RTL4: variants seen among roughly 807,000 people sequenced by gnomAD.
The protein encoded by RTL4 is retrotransposon Gag like 4.
Under a neutral mutation model 5.3 loss-of-function variants are expected in RTL4, and 4 were observed. That is an observed-to-expected ratio of 0.75 (90% CI 0.37 to 1.72). The LOEUF (loss-of-function observed/expected upper bound fraction) is 1.72. Among genes scored for constraint, RTL4 ranks in the 40% most tolerant of loss-of-function variants. RTL4 has a pLI of 0.04. For synonymous variants in RTL4, 98 were observed against 87.3 expected, an observed-to-expected ratio of 1.12 and a Z score of -0.68; for missense variants, 260 against 227.1, an observed-to-expected ratio of 1.14 and a Z score of -0.93.
At chrX:112,161,848 T>TTCCTTC in the RTL4 span, among the ~76,000 whole-genome samples, 5 of 38,321 alleles carry the variant, frequency 1.3e-4, no homozygotes, top group African/African-American at 4.6e-4. Context: ...TTCCTTCCTT[T>TTCCTTC]CTTTCTTTCT....
chrX:112,437,829 G>T, the RTL4 span, among the ~76,000 whole-genome samples: 1 of 101,586 alleles, frequency 9.8e-6, no homozygotes, highest in Non-Finnish European at 2.0e-5. Context: ...GGTGGTGGTG[G>T]TGGTGGTGGT....
chrX:112,316,631 C>T, the RTL4 span, among the ~76,000 whole-genome samples: 1 of 111,798 alleles, frequency 8.9e-6, no homozygotes, highest in Non-Finnish European at 1.9e-5. Flanking sequence ...GTTGCACTAC[C>T]TCTTCTGTAC....
chrX:112,381,336 A>G, the RTL4 span: 2 of 1,210,109 alleles, frequency 1.7e-6, no homozygotes, highest in Non-Finnish European at 2.2e-6. Flanking sequence ...AATTTTGTCA[A>G]GCCAGAGAAG....
At chrX:112,353,031 C>T in the RTL4 span, among the ~76,000 whole-genome samples, 4 of 111,806 alleles carry the variant, frequency 3.6e-5, no homozygotes, top group African/African-American at 9.7e-5. Flanking sequence ...AGGATATGAA[C>T]AGACGCTTCT....
chrX:112,173,923 G>C, the RTL4 span, among the ~76,000 whole-genome samples: 1 of 110,562 alleles, frequency 9.0e-6, no homozygotes, highest in Non-Finnish European at 1.9e-5. Flanking sequence ...ATAATGACTT[G>C]AGTAATTAAA....
chrX:112,150,485 C>T, the RTL4 span, among the ~76,000 whole-genome samples: 1 of 111,690 alleles, frequency 9.0e-6, no homozygotes, highest in East Asian at 2.8e-4. Context: ...CTTTTCTTTG[C>T]TTTTTCTTCT....
At chrX:112,409,222 A>G in the RTL4 span, among the ~76,000 whole-genome samples, 1 of 112,507 alleles carries the variant, frequency 8.9e-6, no homozygotes, top group Non-Finnish European at 1.9e-5. Context: ...TTTTGAAGAC[A>G]TAAGCCATAC....
the RTL4 span, among the ~76,000 whole-genome samples, chrX:112,128,134 G>T: frequency 2.0e-4 from 22 of 111,351 alleles, no homozygotes; most frequent in East Asian, 6.0e-3. Flanking sequence ...GAAGAAAAAA[G>T]GTGGGAAGAC....
At chrX:112,316,701 C>A in the RTL4 span, among the ~76,000 whole-genome samples, 1 of 112,109 alleles carries the variant, frequency 8.9e-6, no homozygotes, top group Non-Finnish European at 1.9e-5. Context: ...ATTTTACCAA[C>A]TTATTCTCTA....
chrX:112,398,178 A>C, the RTL4 span, among the ~76,000 whole-genome samples: 1 of 110,364 alleles, frequency 9.1e-6, no homozygotes, highest in Non-Finnish European at 1.9e-5. Context: ...GTTTGCATAG[A>C]GCTTTTATCA....
chrX:112,432,837 T>C, the RTL4 span, among the ~76,000 whole-genome samples: 14 of 111,518 alleles, frequency 1.3e-4, no homozygotes, highest in African/African-American at 4.6e-4. Flanking sequence ...ATTGCCTAGG[T>C]TTTCTTCTAG....
At chrX:112,198,685 C>T in the RTL4 span, among the ~76,000 whole-genome samples, 1 of 111,399 alleles carries the variant, frequency 9.0e-6, no homozygotes, top group South Asian at 3.8e-4. Flanking sequence ...ATCCATCCAT[C>T]TCCCCATCGA....
the RTL4 span, among the ~76,000 whole-genome samples, chrX:112,121,015 T>A: frequency 9.0e-6 from 1 of 111,083 alleles, no homozygotes; most frequent in Non-Finnish European, 1.9e-5. Context: ...AGGGATAGGA[T>A]CAGAAAAAAA....
chrX:112,360,135 A>G, the RTL4 span, among the ~76,000 whole-genome samples: 10 of 111,264 alleles, frequency 9.0e-5, no homozygotes, highest in African/African-American at 3.3e-4. Flanking sequence ...TAGATTTCCC[A>G]TCACTTACTC....
the RTL4 span, among the ~76,000 whole-genome samples, chrX:112,405,606 T>C: frequency 9.0e-6 from 1 of 111,351 alleles, no homozygotes; most frequent in Non-Finnish European, 1.9e-5. Context: ...CTGCTTGAGG[T>C]AGTAGATGGA....
the RTL4 span, among the ~76,000 whole-genome samples, chrX:112,328,642 T>A: frequency 9.0e-6 from 1 of 111,486 alleles, no homozygotes; most frequent in Non-Finnish European, 1.9e-5. Flanking sequence ...TGAACTCAGC[T>A]CTGCACCAAG....
the RTL4 span, among the ~76,000 whole-genome samples, chrX:112,110,636 A>G: frequency 0.023 from 2,606 of 111,862 alleles, 34 homozygotes; most frequent in Non-Finnish European, 0.035. Context: ...TATTAATAAG[A>G]CCTCATTCAG....
the RTL4 span, among the ~76,000 whole-genome samples, chrX:112,130,356 G>A: frequency 3.8e-5 from 4 of 105,921 alleles, no homozygotes; most frequent in African/African-American, 1.4e-4. Flanking sequence ...GTTTTTGCCA[G>A]CATCCATGCA....
chrX:112,302,755 T>C, the RTL4 span, among the ~76,000 whole-genome samples: 2 of 112,582 alleles, frequency 1.8e-5, no homozygotes, highest in Non-Finnish European at 3.7e-5. Context: ...CTGGGATAAA[T>C]TGGTGAATGA....
Sources: gnomAD v4.1 joint callset for allele counts (sites outside exome capture counted in the v4.1 genomes callset) on GRCh38, gnomAD v4.1.1 for gene constraint, MANE v1.5 for transcripts, NCBI Gene and HGNC (gene_info 2026-07-23, HGNC 2026-07-21) for gene names.